Variants in NOA1 observed in about 807,000 individuals in gnomAD.
NOA1 encodes nitric oxide associated 1.
In NOA1, 35 loss-of-function variants were observed where a neutral mutation model predicts 58.4. The observed-to-expected ratio is 0.60, with a 90% CI of 0.46 to 0.79. The LOEUF (loss-of-function observed/expected upper bound fraction) is 0.79, where lower values mean the gene tolerates loss of function less well. NOA1 is among the 30% of genes least tolerant of loss of function. NOA1 has a pLI of 0.00. For missense variants in NOA1, 895 were observed against 894.6 expected (o/e 1.00, Z -0.01); for synonymous variants, 397 against 373.4 (o/e 1.06, Z -0.73).
intron 6 of NOA1, 33 bp from the exon 7 acceptor site, chr4:56,963,694 G>A: frequency 6.5e-7 from 1 of 1,534,154 alleles, no homozygotes. Flanking sequence ...ACAAAAGGCT[G>A]TTAGCAATCA....
rs1721852950 is a variant in NOA1, at chr4:56,973,933, T to C, written c.1234A>G (p.Thr412Ala). 1 of 1,614,098 alleles carries C rather than the reference T, an allele frequency of 6.2e-7. No homozygotes were observed. The highest frequency in any genetic ancestry group is 1.1e-5 in the South Asian group (1 of 91,080). Reference sequence around the variant, plus strand: ...TCACTAAGATCTTCTTCAGCTTGAGTTGAATCTTTTTTAAGTCTTTGATGC... The same window carrying C: ...TCACTAAGATCTTCTTCAGCTTGAGCTGAATCTTTTTTAAGTCTTTGATGC... ...KRHQRLKKDS[T>A]QAEEDLSEQE... The change falls in exon 2 of 7, where the codon ACT (threonine) becomes GCT (alanine). Residue 412 changes from threonine to alanine, a missense_variant. Physicochemically the swap from Thr to Ala is moderately conservative, Grantham distance 58 (BLOSUM62 0). Around this residue, in one of 3 missense-constraint regions of NOA1, gnomAD observed 680 missense variants for 656.5 expected, o/e 1.04. Coordinates refer to ENST00000264230, the MANE Select transcript of NOA1 (RefSeq NM_032313.4).
Position 56,966,653 on chromosome 4 carries a change from C to G in NOA1, c.1731G>C (p.Leu577=). ...ACGTATGACCTGCATGCTTCTGATA[C>G]AGAGCGTCTGCCCTGTCCAAGGAGG... ...HITSLDRADA[L]YQKHAGHTLL... is the part of the protein sequence containing the mutation. The change falls in exon 5 of 7, where the codon CTG becomes CTC. Residue 577 remains leucine, a synonymous_variant. Transcript: ENST00000264230. The G allele has an allele frequency of 6.2e-7, 1 of 1,613,626 alleles. No homozygotes were observed.
rs756094918 is a variant in NOA1 at position 56,973,341 on chromosome 4, C to T, written c.1322G>A (p.Arg441Lys). ...CTGTTCTTCTGAATACAAGAATGTC[C>T]TTCCAACTCTTCCTAGAACAAGTTA... is the stretch of plus-strand genomic sequence containing the variant. ...KHGYVVGRVG[R>K]TFLYSEEQKD... Residue 441 changes from arginine to lysine, a missense_variant, in exon 3 of 7, where the codon AGG becomes AAG. Coordinates refer to ENST00000264230, the MANE Select transcript of NOA1 (RefSeq NM_032313.4). 3.1e-6 allele frequency: 5 copies of T among 1,613,480 alleles called. No homozygotes were observed. The South Asian group carries it at 5.5e-5, about 18-fold the overall frequency.
chr4:56,966,854 T>C, intron 4 of NOA1, 118 bp from the exon 5 acceptor site: 1 of 690,946 alleles, frequency 1.4e-6, no homozygotes, highest in Non-Finnish European at 2.6e-6. Flanking sequence ...AGACTCCCTT[T>C]ATAAGTACTG....
chr4:56,976,036 G>A (rs570089179), intron 1 of NOA1, among the ~76,000 whole-genome samples: 1 of 152,206 alleles, frequency 6.6e-6, no homozygotes, highest in Admixed American at 6.5e-5. Flanking sequence ...GACAGAGTGA[G>A]ACTCTGTCTC....
chr4:56,969,938 G>A (rs1310545615), intron 3 of NOA1, among the ~76,000 whole-genome samples: 1 of 134,808 alleles, frequency 7.4e-6, no homozygotes, highest in Non-Finnish European at 1.6e-5. Context: ...GCGCCACCAT[G>A]CTTGGCTAAT....
rs773331580 is a variant in NOA1 at position 56,977,460 on chromosome 4, G to A, written c.126C>T (p.Phe42=). The stretch of plus-strand genomic sequence containing the variant: ...CGCGTCCCAGACTCGATGAGTGCTG[G>A]AAGGAGGAGGCGGCAGCGCACCTCC... ...LERRCAAASS[F]QHSSSLGREL... Residue 42 remains phenylalanine, a synonymous_variant, in exon 1 of 7, where the codon TTC becomes TTT. Transcript: ENST00000264230. 2 of 1,614,012 alleles carry A rather than the reference G, an allele frequency of 1.2e-6. No homozygotes were observed. Among genetic ancestry groups the A allele is most frequent in the Non-Finnish European group, 1.7e-6 (2 of 1,180,046 alleles).
In NOA1 at chr4:56,977,177, TG is replaced by T; in HGVS notation, c.408del (p.Ser137AlafsTer3). 1 of 1,562,032 alleles carries T rather than the reference TG, an allele frequency of 6.4e-7. No homozygotes were observed. ...CCACAGCCCGAGCAGTTCACGCCGC[TG>T]GGCGGCAATGCCGGGTCCGGGTGCC... ...VVGHPDPALPPSGVNCSGCGA... is the reference protein window; with the variant it reads ...VVGHPDPALPXSGVNCSGCGA... On this transcript the variant is annotated frameshift_variant, in exon 1 of 7. Coordinates refer to ENST00000264230, the MANE Select transcript of NOA1 (RefSeq NM_032313.4). LOFTEE classifies it high-confidence loss of function.
intron 3 of NOA1, among the ~76,000 whole-genome samples, chr4:56,970,345 C>A (rs914807025): frequency 6.6e-6 from 1 of 151,872 alleles, no homozygotes; most frequent in African/African-American, 2.4e-5. Context: ...GTGGTATGTA[C>A]CTGTGGCCCT....
At chr4:56,968,633 T>C in intron 3 of NOA1, 118 bp from the exon 4 acceptor site, 1 of 806,344 alleles carries the variant, frequency 1.2e-6, no homozygotes, top group Non-Finnish European at 1.9e-6. Context: ...ATAAACCAAA[T>C]TATGTCAGAG....
chr4:56,964,933 G>T (rs939587259), intron 5 of NOA1, among the ~76,000 whole-genome samples: 6 of 152,072 alleles, frequency 3.9e-5, no homozygotes, highest in Admixed American at 3.9e-4. Context: ...TGAGTTAAGG[G>T]TCCATATATA....
chr4:56,976,637 T>G lies in NOA1; in HGVS notation c.949A>C (p.Ser317Arg), dbSNP rs1312974372. The change falls in exon 1 of 7, where the codon AGC (serine) becomes CGC (arginine). Residue 317 changes from serine to arginine, a missense_variant. Physicochemically the swap from Ser to Arg is moderately radical, Grantham distance 110. Transcript: ENST00000264230. The stretch of plus-strand genomic sequence containing the variant: ...TCCACTCCATAGCCGGTCTTGGCGC[T>G]GATCAGCCGCACGTCCCTGACCACT... ...RTVVRDVRLISAKTGYGVEEL... is the reference protein window; with the variant it reads ...RTVVRDVRLIRAKTGYGVEEL... 1 of 1,614,192 alleles carries G rather than the reference T, an allele frequency of 6.2e-7. No individual in the cohort carries two copies. The highest frequency in any genetic ancestry group is 1.6e-4 in the Middle Eastern group (1 of 6,062).
intron 4 of NOA1, among the ~76,000 whole-genome samples, chr4:56,968,043 T>C (rs1201567835): frequency 2.0e-5 from 3 of 151,506 alleles, no homozygotes; most frequent in Non-Finnish European, 4.4e-5. Context: ...TCAGCCTCTC[T>C]AGTAGCTGGG....
chr4:56,973,098 T>C (rs1721834896), intron 3 of NOA1, 50 bp downstream of exon 3: 2 of 1,543,200 alleles, frequency 1.3e-6, no homozygotes, highest in East Asian at 2.2e-5. Flanking sequence ...TATAAACCCA[T>C]TAAAAAAGAA....
intron 5 of NOA1, among the ~76,000 whole-genome samples, chr4:56,965,407 T>C (rs902958996): frequency 6.6e-6 from 1 of 151,992 alleles, no homozygotes; most frequent in African/African-American, 2.4e-5. Context: ...CCCAAGGAAA[T>C]CAAAGGGGTA....
chr4:56,973,216 A>G lies in NOA1; in HGVS notation c.1447T>C (p.Leu483=), dbSNP rs750617552. 10 of 1,614,050 alleles carry G rather than the reference A, an allele frequency of 6.2e-6. No homozygotes were observed. The Admixed American group carries it at 1.3e-4, about 22-fold the overall frequency. The change falls in exon 3 of 7, where the codon TTG becomes CTG. Residue 483 remains leucine (L), a synonymous_variant. Coordinates refer to ENST00000264230, the MANE Select transcript of NOA1 (RefSeq NM_032313.4). The part of the protein sequence containing the change: ...GTHKSTKQVE[L]TAQDVKDAHW... ...GCATCTTTCACATCTTGTGCAGTCA[A>G]TTCTACTTGTTTGGTGGATTTGTGT...
chr4:56,967,656 C>A (rs1426359689), intron 4 of NOA1, among the ~76,000 whole-genome samples: 1 of 152,056 alleles, frequency 6.6e-6, no homozygotes, highest in Non-Finnish European at 1.5e-5. Context: ...TCCCTAGATG[C>A]TATATAAACG....
chr4:56,970,637 T>C (rs571235001), intron 3 of NOA1, among the ~76,000 whole-genome samples: 5 of 151,990 alleles, frequency 3.3e-5, no homozygotes, highest in Non-Finnish European at 7.4e-5. Context: ...ATTTTTTGTA[T>C]TTTTAGTAGA....
At position 56,977,174 on chromosome 4, in the gene NOA1, C is replaced by G. The variant is rs867281407; in HGVS notation, c.412G>C (p.Gly138Arg). ...GHPDPALPPS[G>R]VNCSGCGAEL... ...GCCCCACAGCCCGAGCAGTTCACGC[C>G]GCTGGGCGGCAATGCCGGGTCCGGG... The change falls in exon 1 of 7, where the codon GGC (glycine) becomes CGC (arginine). Residue 138 changes from glycine (G) to arginine (R), a missense_variant. Gly to Arg is a moderately radical substitution (Grantham distance 125, BLOSUM62 -2). This residue lies in a region of NOA1 where 680 missense variants were observed against 656.5 expected (regional missense o/e 1.04). Coordinates refer to ENST00000264230, the MANE Select transcript of NOA1 (RefSeq NM_032313.4). 6.4e-7 allele frequency: 1 copy of G among 1,560,868 alleles called. No individual in the cohort carries two copies.
Sources: allele counts gnomAD v4.1 joint callset (sites outside exome capture counted in the v4.1 genomes callset), GRCh38; gene constraint gnomAD v4.1.1; regional missense constraint gnomAD v4.1.1; transcripts MANE v1.5; gene names NCBI Gene and HGNC (gene_info 2026-07-23, HGNC 2026-07-21).